Variants in TENM4 observed in about 807,000 individuals in gnomAD.
The protein encoded by TENM4 is teneurin transmembrane protein 4.
TENM4 carries 82 observed loss-of-function variants against 243.3 expected under a neutral mutation model. The observed-to-expected ratio is 0.34, with a 90% CI of 0.28 to 0.40. TENM4 has a LOEUF of 0.40. Among genes scored for constraint, TENM4 ranks in the 10% least tolerant of loss-of-function variants. The pLI, the probability that TENM4 is intolerant of heterozygous loss-of-function variation, is 1.00. For synonymous variants in TENM4, 1,412 were observed against 1,456.3 expected (o/e 0.97, Z 0.69); for missense variants, 3,138 against 3,673.3 (o/e 0.85, Z 3.77).
At chr11:79,063,068 C>A (rs1364831634) in intron 6 of TENM4, among the ~76,000 whole-genome samples, 1 of 152,192 alleles carries the variant, frequency 6.6e-6, no homozygotes, top group African/African-American at 2.4e-5. Context: ...CACCCCTAGA[C>A]AAGTACACAG....
intron 1 of TENM4, among the ~76,000 whole-genome samples, chr11:79,372,359 T>C (rs1857805036): frequency 6.6e-6 from 1 of 152,184 alleles, no homozygotes. Flanking sequence ...TTTAAAATTA[T>C]ATGTTTGCAG....
At chr11:79,332,688 C>T (rs1011701590) in intron 1 of TENM4, among the ~76,000 whole-genome samples, 1 of 152,170 alleles carries the variant, frequency 6.6e-6, no homozygotes, top group African/African-American at 2.4e-5. Flanking sequence ...TAAACTGAGA[C>T]TAAGAGCTTA....
intron 32 of TENM4, among the ~76,000 whole-genome samples, 178 bp from the exon 33 acceptor site, chr11:78,661,769 G>C (rs934912241): frequency 1.3e-5 from 2 of 152,050 alleles, no homozygotes; most frequent in African/African-American, 4.8e-5. Context: ...GTACTCCTGG[G>C]ACCCAGCAAT....
chr11:78,762,619 G>T (rs1334680264), intron 18 of TENM4, among the ~76,000 whole-genome samples: 1 of 152,116 alleles, frequency 6.6e-6, no homozygotes, highest in Non-Finnish European at 1.5e-5. Flanking sequence ...ACAAATATTT[G>T]CTGAGTAGTA....
At chr11:79,029,289 T>G (rs1264216235) in intron 6 of TENM4, among the ~76,000 whole-genome samples, 2 of 152,172 alleles carry the variant, frequency 1.3e-5, no homozygotes, top group African/African-American at 4.8e-5. Context: ...CAAGGCATCT[T>G]CCAGAACTGC....
chr11:79,167,387 A>G (rs192622642), intron 3 of TENM4, among the ~76,000 whole-genome samples: 3 of 152,342 alleles, frequency 2.0e-5, no homozygotes, highest in Admixed American at 2.0e-4. Context: ...TATATTGAGC[A>G]ACTAACTCTG....
At chr11:78,726,755 C>T (rs1268537486) in intron 22 of TENM4, among the ~76,000 whole-genome samples, 1 of 124,278 alleles carries the variant, frequency 8.0e-6, no homozygotes, top group East Asian at 2.0e-4. Context: ...TGTAAGATGG[C>T]TGCTCCCGCT....
At chr11:79,102,564 ATGT>A (rs1291899490) in intron 4 of TENM4, among the ~76,000 whole-genome samples, 2 of 152,198 alleles carry the variant, frequency 1.3e-5, no homozygotes, top group African/African-American at 4.8e-5. Flanking sequence ...CATCTGTGAG[ATGT>A]TATGAGGGTT....
chr11:79,022,998 G>A (rs1291789541), intron 6 of TENM4, among the ~76,000 whole-genome samples: 1 of 152,148 alleles, frequency 6.6e-6, no homozygotes, highest in Non-Finnish European at 1.5e-5. Context: ...ACCTGCCTGA[G>A]GTCACAACCT....
At chr11:79,312,156 G>A (rs2135414872) in intron 1 of TENM4, among the ~76,000 whole-genome samples, 1 of 152,224 alleles carries the variant, frequency 6.6e-6, no homozygotes. Context: ...GCTCCCCACA[G>A]GACTCCATCT....
intron 19 of TENM4, among the ~76,000 whole-genome samples, chr11:78,742,314 C>G (rs772670070): frequency 7.2e-5 from 11 of 152,166 alleles, no homozygotes; most frequent in African/African-American, 1.2e-4. Context: ...CTTGGCTGAG[C>G]TGACACTAAA....
chr11:79,277,194 C>T (rs115002180), intron 2 of TENM4, among the ~76,000 whole-genome samples: 1,649 of 152,214 alleles, frequency 0.011, 26 homozygotes, highest in African/African-American at 0.037. Context: ...TTTTCAGACA[C>T]GAGATTTATG....
chr11:78,922,889 C>A (rs772130196), intron 6 of TENM4, among the ~76,000 whole-genome samples: 24 of 152,290 alleles, frequency 1.6e-4, no homozygotes, highest in Middle Eastern at 3.4e-3. Context: ...TAGCCTCCAG[C>A]CAGTGCTCAA....
chr11:79,372,822 C>G (rs1857813640), intron 1 of TENM4, among the ~76,000 whole-genome samples: 1 of 152,116 alleles, frequency 6.6e-6, no homozygotes, highest in Non-Finnish European at 1.5e-5. Flanking sequence ...ACTTAGAGAA[C>G]TACACATAAG....
chr11:79,165,774 C>G (rs1351869481), intron 3 of TENM4, among the ~76,000 whole-genome samples: 1 of 152,104 alleles, frequency 6.6e-6, no homozygotes, highest in Non-Finnish European at 1.5e-5. Flanking sequence ...TGTTTCAGGT[C>G]TTAGGCTGAA....
At chr11:79,053,489 T>G (rs1238141478) in intron 6 of TENM4, among the ~76,000 whole-genome samples, 1 of 152,246 alleles carries the variant, frequency 6.6e-6, no homozygotes, top group Non-Finnish European at 1.5e-5. Context: ...AACCATCTCC[T>G]GCTATGATGC....
chr11:79,123,714 C>G (rs1235779725), intron 4 of TENM4, among the ~76,000 whole-genome samples: 1 of 152,020 alleles, frequency 6.6e-6, no homozygotes, highest in African/African-American at 2.4e-5. Flanking sequence ...TCGGGGAAGC[C>G]CCATCCTCTC....
At chr11:79,089,546 G>A (rs1360574576) in intron 4 of TENM4, among the ~76,000 whole-genome samples, 1 of 152,176 alleles carries the variant, frequency 6.6e-6, no homozygotes, top group African/African-American at 2.4e-5. Flanking sequence ...ACTTCATGAT[G>A]TACACAGCAC....
At position 79,431,488 on chromosome 11, in the gene TENM4, G is replaced by A. The variant is rs1213166140; in HGVS notation, c.-321+9021C>T. 4.6e-5 allele frequency among the ~76,000 whole-genome samples: 7 copies of A among 152,124 alleles called. No homozygotes were observed. The South Asian group carries it at 1.0e-3, about 23-fold the overall frequency. ...CTAGAATCAGAATACTGGACTAAAC[G>A]GAATAAGTGTTCCGAAGTCTACTGA... On this transcript the variant is annotated intron_variant, in intron 1 of 33. Coordinates refer to ENST00000278550, the MANE Select transcript of TENM4 (RefSeq NM_001098816.3).
Sources: gnomAD v4.1 joint callset for allele counts (sites outside exome capture counted in the v4.1 genomes callset) on GRCh38, gnomAD v4.1.1 for gene constraint, MANE v1.5 for transcripts, NCBI Gene and HGNC (gene_info 2026-07-23, HGNC 2026-07-21) for gene names.